Variants in SLC17A4 observed in about 807,000 individuals in gnomAD.
SLC17A4 encodes probable small intestine urate exporter.
A neutral mutation model predicts 52.5 loss-of-function variants in SLC17A4; 33 were observed. The ratio of observed to expected loss-of-function variants is 0.63; its 90% CI spans 0.48 to 0.84. SLC17A4 has a LOEUF of 0.84. Ranked by LOEUF, SLC17A4 falls within the 40% of genes least tolerant of loss-of-function variation. The probability of loss-of-function intolerance (pLI) is 0.00; values close to 1 mark genes in which losing one functional copy is unlikely to be tolerated. For synonymous variants in SLC17A4, 225 were observed against 216.2 expected, an observed-to-expected ratio of 1.04 and a Z score of -0.36; for missense variants, 585 against 597.1, an observed-to-expected ratio of 0.98 and a Z score of 0.21.
chr6:25,769,779 C>T (rs934460458), intron 3 of SLC17A4, among the ~76,000 whole-genome samples: 2 of 151,836 alleles, frequency 1.3e-5, no homozygotes, highest in African/African-American at 4.8e-5. Flanking sequence ...CTTCCTTCCA[C>T]GTATTTTTTT....
intron 10 of SLC17A4, 37 bp downstream of exon 10, chr6:25,776,996 A>G (rs1403075614): frequency 6.4e-7 from 1 of 1,570,686 alleles, no homozygotes; most frequent in Non-Finnish European, 8.6e-7. Context: ...TCAGACACTC[A>G]ATTCAAGTCT....
intron 4 of SLC17A4, 28 bp downstream of exon 4, chr6:25,770,328 G>A (rs1762375018): frequency 2.5e-6 from 4 of 1,613,694 alleles, no homozygotes; most frequent in African/African-American, 1.3e-5. Context: ...AGGTATAAGT[G>A]GAATATAGGT....
intron 11 of SLC17A4, among the ~76,000 whole-genome samples, chr6:25,778,276 T>G (rs1362226914): frequency 6.6e-6 from 1 of 151,916 alleles, no homozygotes; most frequent in Admixed American, 6.6e-5. Flanking sequence ...AAAAAAACAC[T>G]GCCATATACC....
chr6:25,776,124 C>T (rs901394997), intron 8 of SLC17A4, among the ~76,000 whole-genome samples: 2 of 151,236 alleles, frequency 1.3e-5, no homozygotes, highest in Non-Finnish European at 3.0e-5. Context: ...ACCTGATTCT[C>T]CACAGTGTTA....
chr6:25,768,542 C>T (rs1272244990), intron 2 of SLC17A4: 2 of 337,574 alleles, frequency 5.9e-6, no homozygotes, highest in Non-Finnish European at 4.3e-6. Flanking sequence ...AGCTAATCTT[C>T]CATGTTTCCT....
Position 25,780,543 on chromosome 6 carries a change from C to T in SLC17A4, c.*1355C>T, listed in dbSNP as rs981921653. On this transcript the variant is annotated 3_prime_UTR_variant, in exon 12 of 12. Transcript: ENST00000377905. ...GGCAGGAGGGAGAAATTAGCTATGG[C>T]CAGAGTATAGAGAATAAGGGAAGTA... 1 of 151,986 alleles carries T rather than the reference C, an allele frequency of 6.6e-6. No individual in the cohort carries two copies. The highest frequency in any genetic ancestry group is 1.5e-5 in the Non-Finnish European group (1 of 68,026). The allele number at this position is 151,986 out of a possible 1,614,324, so 9.4% of individuals were successfully genotyped here.
In SLC17A4 at chr6:25,773,629, C is replaced by T; in HGVS notation, c.942C>T (p.Tyr314=). The part of the protein sequence containing the change: ...EYWLFYTIMA[Y]TPTYISSVLQ... ...GGCTTTTTTATACCATTATGGCGTA[C>T]ACACCAACGTACATCAGCTCGGTAC... is the stretch of plus-strand genomic sequence containing the variant. Residue 314 remains tyrosine (Y), a synonymous_variant, in exon 8 of 12, where the codon TAC becomes TAT. Coordinates refer to ENST00000377905, the MANE Select transcript of SLC17A4 (RefSeq NM_005495.3). 6.2e-7 allele frequency: 1 copy of T among 1,613,886 alleles called. No individual in the cohort carries two copies. The highest frequency in any genetic ancestry group is 8.5e-7 in the Non-Finnish European group (1 of 1,179,866).
intron 5 of SLC17A4, 94 bp from the exon 6 acceptor site, chr6:25,770,832 A>G: frequency 1.0e-6 from 1 of 954,776 alleles, no homozygotes; most frequent in East Asian, 2.4e-5. Flanking sequence ...TGAAACTCAT[A>G]CCTTCACTCA....
intron 1 of SLC17A4, among the ~76,000 whole-genome samples, chr6:25,759,566 A>T (rs1761349904): frequency 6.6e-6 from 1 of 152,184 alleles, no homozygotes; most frequent in East Asian, 1.9e-4. Context: ...ATCTTTTTCA[A>T]CTGCTGTTGC....
chr6:25,759,311 T>C (rs1204771221), intron 1 of SLC17A4, among the ~76,000 whole-genome samples: 1 of 152,194 alleles, frequency 6.6e-6, no homozygotes, highest in Non-Finnish European at 1.5e-5. Flanking sequence ...ATCTGTTAAG[T>C]CTATTTGTTC....
Position 25,773,348 on chromosome 6 carries a change from C to G in SLC17A4, c.780C>G (p.Ile260Met). ...IYDDPVNHPF[I>M]SAGEKRYIVC... is the part of the protein sequence containing the mutation. Reference sequence around the variant, plus strand: ...ATGATCCTGTGAATCATCCCTTTATCAGTGCTGGTGAGAAGAGATACATTG... The same window carrying G: ...ATGATCCTGTGAATCATCCCTTTATGAGTGCTGGTGAGAAGAGATACATTG... The change falls in exon 7 of 12, where the codon ATC (isoleucine) becomes ATG (methionine). Residue 260 changes from isoleucine to methionine, a missense_variant. Transcript: ENST00000377905. 1 of 1,613,954 alleles carries G rather than the reference C, an allele frequency of 6.2e-7. No individual in the cohort carries two copies. The highest frequency in any genetic ancestry group is 1.1e-5 in the South Asian group (1 of 91,072).
intron 6 of SLC17A4, among the ~76,000 whole-genome samples, chr6:25,772,299 C>T (rs949178970): frequency 6.6e-6 from 1 of 152,078 alleles, no homozygotes; most frequent in African/African-American, 2.4e-5. Context: ...ATCCTCCAAC[C>T]CCAATGTGCA....
At chr6:25,762,792 A>G (rs1243420236) in intron 2 of SLC17A4, among the ~76,000 whole-genome samples, 1 of 152,214 alleles carries the variant, frequency 6.6e-6, no homozygotes, top group Non-Finnish European at 1.5e-5. Flanking sequence ...ACCTACAACT[A>G]GTCACCATTT....
chr6:25,770,355 A>G (rs750336919), intron 4 of SLC17A4, 29 bp from the exon 5 acceptor site: 4 of 1,613,992 alleles, frequency 2.5e-6, no homozygotes, highest in Non-Finnish European at 3.4e-6. Context: ...ATGACCTCAG[A>G]TCTCCAAGAA....
At chr6:25,776,469 G>A (rs1762927983) in intron 8 of SLC17A4, 126 bp from the exon 9 acceptor site, 1 of 1,134,042 alleles carries the variant, frequency 8.8e-7, no homozygotes, top group Non-Finnish European at 1.2e-6. Context: ...TAGTAACATG[G>A]AATTTGTATT....
In SLC17A4 at chr6:25,770,064, T is replaced by C; in HGVS notation, c.298-3T>C. The C allele has an allele frequency of 6.2e-7, 1 of 1,613,562 alleles. No individual in the cohort carries two copies. Among genetic ancestry groups the C allele is most frequent in the South Asian group, 1.1e-5 (1 of 91,040 alleles). On this transcript the variant is annotated splice_polypyrimidine_tract_variant and splice_region_variant and intron_variant, in intron 3 of 11. Coordinates refer to ENST00000377905, the MANE Select transcript of SLC17A4 (RefSeq NM_005495.3). ...ACAAACAGTAACTCTCTTTGTCATC[T>C]AGGCCCCTGCATATGACTGGAGTCC... is the stretch of plus-strand genomic sequence containing the variant.
chr6:25,778,570 C>T (rs945672732), intron 11 of SLC17A4, among the ~76,000 whole-genome samples: 5 of 152,188 alleles, frequency 3.3e-5, no homozygotes, highest in East Asian at 3.9e-4. Context: ...GTATGTGCTA[C>T]GTGCTATTTA....
At position 25,776,641 on chromosome 6, in the gene SLC17A4, T is replaced by A; in HGVS notation, c.1034T>A (p.Ile345Asn). 1 of 1,613,748 alleles carries A rather than the reference T, an allele frequency of 6.2e-7. No homozygotes were observed. The highest frequency in any genetic ancestry group is 1.3e-5 in the African/African-American group (1 of 75,014). ...CCGTTTGTTGTTGGATGTATCTGCA[T>A]TATCCTTGGAGGTCTACTGGCAGAC... ...ALPFVVGCIC[I>N]ILGGLLADFL... Residue 345 changes from isoleucine to asparagine, a missense_variant, in exon 9 of 12, where the codon ATT becomes AAT. Ile to Asn is a moderately radical substitution (Grantham distance 149). Transcript: ENST00000377905.
chr6:25,763,996 T>C (rs992390602), intron 2 of SLC17A4, among the ~76,000 whole-genome samples: 6 of 152,200 alleles, frequency 3.9e-5, no homozygotes, highest in Non-Finnish European at 5.9e-5. Flanking sequence ...AAAAGTCAGG[T>C]TGGTTACTTT....
Sources: allele counts gnomAD v4.1 joint callset (sites outside exome capture counted in the v4.1 genomes callset), GRCh38; gene constraint gnomAD v4.1.1; transcripts MANE v1.5; gene names NCBI Gene and HGNC (gene_info 2026-07-23, HGNC 2026-07-21).